PKHD1L1: variants seen among roughly 807,000 people sequenced by gnomAD.
The protein encoded by PKHD1L1 is PKHD1 like 1.
PKHD1L1 carries 434 observed loss-of-function variants against 462.9 expected under a neutral mutation model. The observed-to-expected ratio is 0.94, with a 90% CI of 0.87 to 1.02. The LOEUF is 1.02. Among genes scored for constraint, PKHD1L1 ranks in the 50% least tolerant of loss-of-function variants. PKHD1L1 has a pLI of 0.00. For synonymous variants in PKHD1L1, 1,781 were observed against 1,750.0 expected (o/e 1.02, Z -0.44); for missense variants, 5,202 against 5,096.1 (o/e 1.02, Z -0.63).
intron 2 of PKHD1L1, among the ~76,000 whole-genome samples, chr8:109,374,709 C>T (rs1224235045): frequency 1.3e-5 from 2 of 152,160 alleles, no homozygotes; most frequent in Non-Finnish European, 2.9e-5. Context: ...GTGACAAAAT[C>T]TCTCAGCATT....
rs1278558510 is a variant in PKHD1L1, at chr8:109,534,253, G to A, written c.*4163G>A. Among the ~76,000 whole-genome samples the A allele has an allele frequency of 6.6e-6, 1 of 152,236 alleles. No homozygotes were observed. The highest frequency in any genetic ancestry group is 1.5e-5 in the Non-Finnish European group (1 of 68,040). ...CAAGGCAGGCGGATCACGAGGTCAG[G>A]AGATCGAGACTATCCTGGCTAACAC... On this transcript the variant is annotated 3_prime_UTR_variant, in exon 78 of 78. Transcript: ENST00000378402.
intron 44 of PKHD1L1, among the ~76,000 whole-genome samples, 199 bp downstream of exon 44, chr8:109,454,445 G>A (rs959890733): frequency 3.3e-5 from 5 of 152,158 alleles, no homozygotes; most frequent in Admixed American, 2.6e-4. Flanking sequence ...GAAGATAGTA[G>A]TTTATATTCC....
intron 32 of PKHD1L1, among the ~76,000 whole-genome samples, chr8:109,440,186 C>T (rs545982047): frequency 6.6e-6 from 1 of 152,112 alleles, no homozygotes; most frequent in South Asian, 2.1e-4. Context: ...GGCCTCCTAG[C>T]AGATGCATTA....
In PKHD1L1 at chr8:109,493,651, A is replaced by G. The variant is rs1454007425; in HGVS notation, c.10237-10A>G. Reference sequence around the variant, plus strand: ...TGATGCACAGTATTTTTTTTTAATCATTGCACTAGATAAATAGAGGGACCA... The same window carrying G: ...TGATGCACAGTATTTTTTTTTAATCGTTGCACTAGATAAATAGAGGGACCA... On this transcript the variant is annotated splice_polypyrimidine_tract_variant and intron_variant, in intron 62 of 77. Transcript: ENST00000378402. 16 of 1,555,310 alleles carry G rather than the reference A, an allele frequency of 1.0e-5. No individual in the cohort carries two copies. The highest frequency in any genetic ancestry group is 3.7e-5 in the Admixed American group (2 of 53,708).
chr8:109,468,132 G>GC, intron 50 of PKHD1L1, among the ~76,000 whole-genome samples: 1 of 152,148 alleles, frequency 6.6e-6, no homozygotes, highest in Non-Finnish European at 1.5e-5. Context: ...ATTTGAAAGT[G>GC]TTTAGCATAA....
intron 1 of PKHD1L1, among the ~76,000 whole-genome samples, chr8:109,363,121 C>T (rs1404136448): frequency 6.6e-6 from 1 of 152,090 alleles, no homozygotes; most frequent in Admixed American, 6.5e-5. Flanking sequence ...GGGGCAGCTG[C>T]CCTGTGTTTT....
intron 13 of PKHD1L1, among the ~76,000 whole-genome samples, chr8:109,401,155 C>A (rs1813252136): frequency 6.6e-6 from 1 of 152,076 alleles, no homozygotes; most frequent in Non-Finnish European, 1.5e-5. Context: ...CTCCACAGAG[C>A]AAAAGAATAT....
At chr8:109,419,876 G>A (rs1215687705) in intron 22 of PKHD1L1, among the ~76,000 whole-genome samples, 1 of 150,898 alleles carries the variant, frequency 6.6e-6, no homozygotes. Context: ...CTTTTCTTTG[G>A]AACTGCTTTC....
intron 14 of PKHD1L1, among the ~76,000 whole-genome samples, chr8:109,403,569 GTTC>G (rs1813380831): frequency 6.6e-6 from 1 of 152,030 alleles, no homozygotes; most frequent in Non-Finnish European, 1.5e-5. Flanking sequence ...AATTTTAATG[GTTC>G]TTCTTTGAAT....
At position 109,404,555 on chromosome 8, in the gene PKHD1L1, T is replaced by C; in HGVS notation, c.1375T>C (p.Tyr459His). The change falls in exon 15 of 78, where the codon TAC becomes CAC. Residue 459 changes from tyrosine (Y) to histidine (H), a missense_variant and splice_region_variant. Tyr to His is a moderately conservative substitution (Grantham distance 83). Around this residue, in one of 3 missense-constraint regions of PKHD1L1, gnomAD observed 4,497 missense variants for 4,336.8 expected, o/e 1.04. Transcript: ENST00000378402. ...DDIHLQKGKE[Y>H]YIEILLQEYR... ...TTCATTAGTTACTCTATTTTCCAGA[T>C]ACTATATTGAAATCTTGCTGCAGGA... 6.5e-6 allele frequency: 10 copies of C among 1,531,442 alleles called. No individual in the cohort carries two copies. Among genetic ancestry groups the C allele is most frequent in the Non-Finnish European group, 7.9e-6 (9 of 1,136,648 alleles). The allele number at this position is 1,531,442 out of a possible 1,614,324, so 94.9% of individuals were successfully genotyped here. A position where few individuals can be genotyped will look rare whatever the true frequency, so the allele number is the denominator to read the frequency against.
chr8:109,370,735 A>G (rs1811461847), intron 2 of PKHD1L1, among the ~76,000 whole-genome samples: 1 of 151,840 alleles, frequency 6.6e-6, no homozygotes, highest in African/African-American at 2.4e-5. Context: ...TTTAATTCCC[A>G]CCTATGAGTG....
intron 60 of PKHD1L1, among the ~76,000 whole-genome samples, chr8:109,490,689 A>G (rs560889852): frequency 7.0e-4 from 106 of 151,930 alleles, no homozygotes; most frequent in Non-Finnish European, 9.1e-4. Flanking sequence ...ATAAGTGATA[A>G]TAGGAATATA....
intron 47 of PKHD1L1, among the ~76,000 whole-genome samples, chr8:109,460,920 T>A (rs540394377): frequency 5.3e-5 from 8 of 152,126 alleles, no homozygotes; most frequent in Non-Finnish European, 1.0e-4. Flanking sequence ...CACTAGCAAC[T>A]CATTGCTTTG....
intron 58 of PKHD1L1, among the ~76,000 whole-genome samples, chr8:109,485,743 A>T (rs112857910): frequency 0.02 from 3,044 of 152,000 alleles, 91 homozygotes; most frequent in African/African-American, 0.062. Flanking sequence ...ATCCTTTCAG[A>T]TGCCCATGAT....
At chr8:109,403,808 T>G (rs1450311584) in intron 14 of PKHD1L1, among the ~76,000 whole-genome samples, 1 of 152,160 alleles carries the variant, frequency 6.6e-6, no homozygotes, top group Non-Finnish European at 1.5e-5. Context: ...TTGAGTGATG[T>G]GAGACAATTT....
chr8:109,373,248 G>A (rs1279068070), intron 2 of PKHD1L1, among the ~76,000 whole-genome samples: 12 of 151,966 alleles, frequency 7.9e-5, no homozygotes, highest in Non-Finnish European at 1.3e-4. Context: ...TGTATGTGTC[G>A]AGGAATTTAT....
At chr8:109,473,708 T>C (rs1817841599) in intron 50 of PKHD1L1, among the ~76,000 whole-genome samples, 1 of 152,070 alleles carries the variant, frequency 6.6e-6, no homozygotes, top group Non-Finnish European at 1.5e-5. Context: ...TCATTTATTC[T>C]TAGGTGTCCA....
At chr8:109,523,954 A>C (rs1037597451) in intron 76 of PKHD1L1, among the ~76,000 whole-genome samples, 3 of 152,168 alleles carry the variant, frequency 2.0e-5, no homozygotes, top group African/African-American at 7.2e-5. Context: ...GTATTAAGTG[A>C]TATCTTCAAC....
At chr8:109,424,881 T>C (rs918830040) in intron 23 of PKHD1L1, among the ~76,000 whole-genome samples, 1 of 152,152 alleles carries the variant, frequency 6.6e-6, no homozygotes, top group Non-Finnish European at 1.5e-5. Context: ...GCTGCACAGA[T>C]GAATGAGTTG....
Sources: allele counts gnomAD v4.1 joint callset (sites outside exome capture counted in the v4.1 genomes callset), GRCh38; gene constraint gnomAD v4.1.1; regional missense constraint gnomAD v4.1.1; transcripts MANE v1.5; gene names NCBI Gene and HGNC (gene_info 2026-07-23, HGNC 2026-07-21).